The following DSCAM variants were observed in gnomAD, a reference collection of about 807,000 sequenced individuals.
The protein encoded by DSCAM is cell adhesion molecule DSCAM.
Under a neutral mutation model 217.7 loss-of-function variants are expected in DSCAM, and 47 were observed. The ratio of observed to expected loss-of-function variants is 0.22; its 90% CI spans 0.17 to 0.28. The LOEUF (loss-of-function observed/expected upper bound fraction) is 0.28. DSCAM is among the 10% of genes least tolerant of loss of function. The pLI is 1.00. For synonymous variants in DSCAM, 1,056 were observed against 1,015.3 expected (o/e 1.04, Z -0.76); for missense variants, 2,080 against 2,618.3 (o/e 0.79, Z 4.49).
At position 40,563,704 on chromosome 21, in the gene DSCAM, GTATA is replaced by G. The variant is rs148270084; in HGVS notation, c.508+129102_508+129105del. Among the ~76,000 whole-genome samples, 432 of 142,812 alleles carry G rather than the reference GTATA, an allele frequency of 3.0e-3. 33 individuals are homozygous for G. Among genetic ancestry groups the G allele is most frequent in the African/African-American group, 0.011 (412 of 38,028 alleles). 93.7% of individuals were successfully genotyped at this position (142,812 alleles called of 152,430 possible). ...TATGTTTATATATAGTTATATGTGTGTATATAGTTATGTTTATATATGTTTATAT... is the reference window on the plus strand; with the variant it reads ...TATGTTTATATATAGTTATATGTGTGTAGTTATGTTTATATATGTTTATAT... On this transcript the variant is annotated intron_variant, in intron 3 of 32. Coordinates refer to ENST00000400454, the MANE Select transcript of DSCAM (RefSeq NM_001389.5).
chr21:40,776,100 GT>G (rs1314955525), intron 1 of DSCAM, among the ~76,000 whole-genome samples: 1 of 151,932 alleles, frequency 6.6e-6, no homozygotes, highest in Non-Finnish European at 1.5e-5. Flanking sequence ...AAATATTTAT[GT>G]TATTATTGCT....
At chr21:40,719,127 A>C (rs1338230420) in intron 1 of DSCAM, among the ~76,000 whole-genome samples, 11 of 151,078 alleles carry the variant, frequency 7.3e-5, no homozygotes, top group African/African-American at 1.2e-4. Context: ...AAAGAAGAAA[A>C]ACACACACAC....
At chr21:40,418,416 T>C (rs1419500757) in intron 3 of DSCAM, among the ~76,000 whole-genome samples, 1 of 152,158 alleles carries the variant, frequency 6.6e-6, no homozygotes, top group Non-Finnish European at 1.5e-5. Flanking sequence ...AACTATGATA[T>C]CTGTAAATCC....
chr21:40,339,221 G>C lies in DSCAM; in HGVS notation c.1405C>G (p.Leu469Val). 1 of 1,614,196 alleles carries C rather than the reference G, an allele frequency of 6.2e-7. No homozygotes were observed. Among genetic ancestry groups the C allele is most frequent in the South Asian group, 1.1e-5 (1 of 91,084 alleles). Reference sequence around the variant, plus strand: ...CGGACCTGGGAGCTGGAGATGTTCAGGTAGCTGACCACGTTCCCCTCCGAC... The same window carrying C: ...CGGACCTGGGAGCTGGAGATGTTCACGTAGCTGACCACGTTCCCCTCCGAC... The part of the protein sequence containing the change: ...ITSEGNVVSY[L>V]NISSSQVRDG... The change falls in exon 7 of 33, where the codon CTG becomes GTG. Residue 469 changes from leucine to valine, a missense_variant. Coordinates refer to ENST00000400454, the MANE Select transcript of DSCAM (RefSeq NM_001389.5).
At chr21:40,667,642 C>T (rs915253421) in intron 3 of DSCAM, among the ~76,000 whole-genome samples, 1 of 151,026 alleles carries the variant, frequency 6.6e-6, no homozygotes, top group Non-Finnish European at 1.5e-5. Flanking sequence ...GGGCAGTTAC[C>T]CCCATGCTAT....
intron 32 of DSCAM, among the ~76,000 whole-genome samples, chr21:40,039,209 C>A (rs180699480): frequency 1.3e-5 from 2 of 151,226 alleles, no homozygotes; most frequent in Non-Finnish European, 2.9e-5. Context: ...CTAAGAAAAA[C>A]TAAAGTCTAA....
At chr21:40,334,608 C>G (rs906379883) in intron 8 of DSCAM, among the ~76,000 whole-genome samples, 1 of 152,098 alleles carries the variant, frequency 6.6e-6, no homozygotes. Flanking sequence ...CCGAATAGAC[C>G]ATTCTCAGCA....
intron 1 of DSCAM, among the ~76,000 whole-genome samples, chr21:40,750,737 C>T (rs775142169): frequency 1.3e-5 from 2 of 152,088 alleles, no homozygotes; most frequent in African/African-American, 2.4e-5. Flanking sequence ...TTCCCTCACT[C>T]GATGAGCAGT....
At chr21:40,126,391 G>A (rs2090094321) in intron 19 of DSCAM, among the ~76,000 whole-genome samples, 1 of 152,138 alleles carries the variant, frequency 6.6e-6, no homozygotes, top group Non-Finnish European at 1.5e-5. Context: ...GCCGATCTAT[G>A]TTTGGTCAGG....
chr21:40,330,161 A>T (rs2074361061), intron 8 of DSCAM, among the ~76,000 whole-genome samples: 1 of 150,960 alleles, frequency 6.6e-6, no homozygotes, highest in South Asian at 2.1e-4. Flanking sequence ...ATGTAAATAC[A>T]TATTATTTTA....
intron 3 of DSCAM, among the ~76,000 whole-genome samples, chr21:40,396,172 C>T (rs148447941): frequency 6.6e-6 from 1 of 152,224 alleles, no homozygotes; most frequent in Non-Finnish European, 1.5e-5. Flanking sequence ...GCTACTATGT[C>T]TCACCAAAAG....
At chr21:40,130,943 C>A (rs1248686596) in intron 19 of DSCAM, among the ~76,000 whole-genome samples, 1 of 152,174 alleles carries the variant, frequency 6.6e-6, no homozygotes, top group East Asian at 1.9e-4. Context: ...CTGGCATAGA[C>A]AACTGAATCG....
chr21:40,726,112 G>A (rs1202940189), intron 1 of DSCAM, among the ~76,000 whole-genome samples: 1 of 152,106 alleles, frequency 6.6e-6, no homozygotes, highest in African/African-American at 2.4e-5. Context: ...GGCTCCTGGA[G>A]AGATGTTTCC....
At chr21:40,189,699 T>C (rs1391198847) in intron 11 of DSCAM, among the ~76,000 whole-genome samples, 1 of 152,194 alleles carries the variant, frequency 6.6e-6, no homozygotes, top group Non-Finnish European at 1.5e-5. Flanking sequence ...CTGATGGTTT[T>C]AAAAATGGGA....
intron 32 of DSCAM, among the ~76,000 whole-genome samples, chr21:40,020,171 T>C: frequency 6.6e-6 from 1 of 152,272 alleles, no homozygotes; most frequent in East Asian, 1.9e-4. Context: ...GTCTGATGGC[T>C]TTATAAGGGG....
intron 3 of DSCAM, among the ~76,000 whole-genome samples, chr21:40,658,508 T>C (rs925182850): frequency 6.6e-6 from 1 of 152,208 alleles, no homozygotes; most frequent in Non-Finnish European, 1.5e-5. Flanking sequence ...GAAATTTCAT[T>C]GCAAATCCTC....
Position 40,052,088 on chromosome 21 carries a change from C to A in DSCAM, c.5055G>T (p.Leu1685=), listed in dbSNP as rs2088941828. The change falls in exon 30 of 33, where the codon CTG becomes CTT. Residue 1685 remains leucine, a synonymous_variant. Coordinates refer to ENST00000400454, the MANE Select transcript of DSCAM (RefSeq NM_001389.5). ...METIDDRSTV[L]LTDADFGEAA... ...CCTCTCCAAAGTCAGCATCCGTCAA[C>A]AGAACCGTGGAGCGATCATCTACAG... 1.2e-6 allele frequency: 2 copies of A among 1,614,108 alleles called. No individual in the cohort carries two copies. Among genetic ancestry groups the A allele is most frequent in the East Asian group, 4.5e-5 (2 of 44,874 alleles).
chr21:40,498,383 T>TA (rs991839742), intron 3 of DSCAM, among the ~76,000 whole-genome samples: 4 of 151,770 alleles, frequency 2.6e-5, no homozygotes, highest in Non-Finnish European at 5.9e-5. Context: ...GCAATGCGTA[T>TA]AAAAAACCAC....
intron 2 of DSCAM, among the ~76,000 whole-genome samples, chr21:40,698,737 G>A (rs1267449882): frequency 6.6e-6 from 1 of 152,104 alleles, no homozygotes. Context: ...AGGCGTGGTG[G>A]CGCATGCCTG....
Sources: gnomAD v4.1 joint callset for allele counts (sites outside exome capture counted in the v4.1 genomes callset) on GRCh38, gnomAD v4.1.1 for gene constraint, MANE v1.5 for transcripts, NCBI Gene and HGNC (gene_info 2026-07-23, HGNC 2026-07-21) for gene names.